PAPPA: variants seen among roughly 807,000 people sequenced by gnomAD.
The protein encoded by PAPPA is pappalysin 1, also known as pappalysin-1.
A neutral mutation model predicts 164.0 loss-of-function variants in PAPPA; 60 were observed. The ratio of observed to expected loss-of-function variants is 0.37; its 90% CI spans 0.30 to 0.45. PAPPA has a LOEUF of 0.45. Among genes scored for constraint, PAPPA ranks in the 20% least tolerant of loss-of-function variants. The pLI is 1.00. For missense variants in PAPPA, 1,782 were observed against 2,087.3 expected, an observed-to-expected ratio of 0.85 and a Z score of 2.85; for synonymous variants, 875 against 814.1, an observed-to-expected ratio of 1.07 and a Z score of -1.27.
At chr9:116,189,206 C>T (rs941046301) in intron 2 of PAPPA, among the ~76,000 whole-genome samples, 3 of 152,102 alleles carry the variant, frequency 2.0e-5, no homozygotes, top group African/African-American at 7.2e-5. Flanking sequence ...TAATGTATAG[C>T]ATGAGGACTA....
intron 1 of PAPPA, among the ~76,000 whole-genome samples, chr9:116,161,990 G>T (rs898261920): frequency 6.6e-6 from 1 of 152,122 alleles, no homozygotes; most frequent in Non-Finnish European, 1.5e-5. Flanking sequence ...CCCCAAGGTC[G>T]CACAAAGATT....
intron 21 of PAPPA, among the ~76,000 whole-genome samples, chr9:116,386,191 TCA>T (rs1846809573): frequency 6.6e-6 from 1 of 152,188 alleles, no homozygotes. Context: ...TTGGGGCTTT[TCA>T]GATGCAAGAT....
chr9:116,350,550 T>C (rs1846267821), intron 15 of PAPPA, among the ~76,000 whole-genome samples: 1 of 152,242 alleles, frequency 6.6e-6, no homozygotes, highest in Non-Finnish European at 1.5e-5. Context: ...TGTTCTCTTG[T>C]CACAGAAAAC....
Position 116,396,986 on chromosome 9 carries a change from C to G in PAPPA, c.*370C>G, listed in dbSNP as rs1469663187. On this transcript the variant is annotated 3_prime_UTR_variant, in exon 22 of 22. Coordinates refer to ENST00000328252, the MANE Select transcript of PAPPA (RefSeq NM_002581.5). ...CATGCATACACACCCATACAAACAT[C>G]TGTGTGAGGGCAGTTCTGGAGATGA... 5.2e-6 allele frequency: 1 copy of G among 192,832 alleles called. No homozygotes were observed. Among genetic ancestry groups the G allele is most frequent in the African/African-American group, 2.3e-5 (1 of 43,202 alleles). 11.9% of individuals were successfully genotyped at this position (192,832 alleles called of 1,614,324 possible).
At chr9:116,332,665 C>T in intron 12 of PAPPA, 197 bp downstream of exon 12, 3 of 524,174 alleles carry the variant, frequency 5.7e-6, no homozygotes, top group South Asian at 3.0e-5. Flanking sequence ...CTGGCAGATA[C>T]AGGGATAAGG....
intron 13 of PAPPA, among the ~76,000 whole-genome samples, chr9:116,340,080 G>T (rs774754357): frequency 2.0e-5 from 3 of 152,124 alleles, no homozygotes; most frequent in Non-Finnish European, 4.4e-5. Flanking sequence ...ATTCTTTCCC[G>T]CTCATCCATC....
intron 2 of PAPPA, among the ~76,000 whole-genome samples, chr9:116,202,810 C>A (rs1170262069): frequency 1.3e-5 from 2 of 152,080 alleles, no homozygotes; most frequent in East Asian, 1.9e-4. Flanking sequence ...ATATTTGAGG[C>A]TCCAAAAATT....
Position 116,275,928 on chromosome 9 carries a change from C to T in PAPPA, c.2953+4512C>T, listed in dbSNP as rs527950028. Among the ~76,000 whole-genome samples the T allele has an allele frequency of 2.5e-4, 38 of 152,290 alleles. No individual in the cohort carries two copies. The South Asian group carries it at 7.5e-3, about 30-fold the overall frequency. ...GACTTCCCGTTCTCAATTTCCCACC[C>T]CTGGTGCCCTCATCCCCCAGCACAT... On this transcript the variant is annotated intron_variant, in intron 9 of 21. Transcript: ENST00000328252.
chr9:116,216,987 A>G (rs539988010), intron 4 of PAPPA, among the ~76,000 whole-genome samples: 4 of 152,170 alleles, frequency 2.6e-5, no homozygotes, highest in African/African-American at 9.6e-5. Flanking sequence ...TGATCCGCCC[A>G]CCTTGGCCTC....
At chr9:116,355,988 A>G (rs188782693) in intron 17 of PAPPA, among the ~76,000 whole-genome samples, 1 of 152,312 alleles carries the variant, frequency 6.6e-6, no homozygotes, top group Admixed American at 6.5e-5. Context: ...CTATAAACAT[A>G]GCAGAAATGC....
At chr9:116,235,109 A>C (rs368733638) in intron 6 of PAPPA, 30 bp from the exon 7 acceptor site, 196 of 1,613,606 alleles carry the variant, frequency 1.2e-4, no homozygotes, top group Non-Finnish European at 1.6e-4. Flanking sequence ...TCTTTCCCCA[A>C]GAACTCATTC....
intron 6 of PAPPA, among the ~76,000 whole-genome samples, chr9:116,230,076 G>A (rs754042471): frequency 6.6e-6 from 1 of 152,170 alleles, no homozygotes; most frequent in Non-Finnish European, 1.5e-5. Context: ...TGGAGGCACT[G>A]AGGTCTCTGG....
chr9:116,273,389 G>T (rs1232165580), intron 9 of PAPPA, among the ~76,000 whole-genome samples: 1 of 152,194 alleles, frequency 6.6e-6, no homozygotes, highest in African/African-American at 2.4e-5. Flanking sequence ...CATATTGACT[G>T]TGGCTGCTTT....
chr9:116,205,639 T>C (rs1844225552), intron 2 of PAPPA, among the ~76,000 whole-genome samples: 1 of 152,186 alleles, frequency 6.6e-6, no homozygotes, highest in South Asian at 2.1e-4. Context: ...TCCAGTTGTG[T>C]GATCTCTGAA....
chr9:116,157,839 C>T (rs1843621367), intron 1 of PAPPA, among the ~76,000 whole-genome samples: 1 of 152,152 alleles, frequency 6.6e-6, no homozygotes. Context: ...CATCCCTTTG[C>T]TTTTGTACCA....
At chr9:116,192,999 G>A (rs554657003) in intron 2 of PAPPA, among the ~76,000 whole-genome samples, 255 of 152,078 alleles carry the variant, frequency 1.7e-3, no homozygotes, top group African/African-American at 5.7e-3. Context: ...CTTTGTTCAT[G>A]AATATCTACT....
At chr9:116,374,804 T>C (rs1007438234) in intron 19 of PAPPA, among the ~76,000 whole-genome samples, 4 of 152,192 alleles carry the variant, frequency 2.6e-5, no homozygotes, top group African/African-American at 9.6e-5. Flanking sequence ...CAGACTCTCA[T>C]ACTGAGAGAG....
chr9:116,157,991 G>A (rs1471807916), intron 1 of PAPPA, among the ~76,000 whole-genome samples: 1 of 151,976 alleles, frequency 6.6e-6, no homozygotes, highest in African/African-American at 2.4e-5. Flanking sequence ...TCTTGTTAAA[G>A]TTTCTCCTGA....
At chr9:116,342,637 C>T (rs1846153012) in intron 13 of PAPPA, among the ~76,000 whole-genome samples, 1 of 151,948 alleles carries the variant, frequency 6.6e-6, no homozygotes, top group South Asian at 2.1e-4. Flanking sequence ...TATCGTGAAA[C>T]TGAGAGAAAA....
Sources: allele counts gnomAD v4.1 joint callset (sites outside exome capture counted in the v4.1 genomes callset), GRCh38; gene constraint gnomAD v4.1.1; transcripts MANE v1.5; gene names NCBI Gene and HGNC (gene_info 2026-07-23, HGNC 2026-07-21).